Variants in ACACB observed in about 807,000 individuals in gnomAD.
ACACB encodes the protein acetyl-CoA carboxylase beta, also known as acetyl-CoA carboxylase 2.
A neutral mutation model predicts 278.8 loss-of-function variants in ACACB; 209 were observed. The observed-to-expected ratio is 0.75, with a 90% confidence interval of 0.67 to 0.84. The LOEUF (loss-of-function observed/expected upper bound fraction) is 0.84. Among genes scored for constraint, ACACB ranks in the 40% least tolerant of loss-of-function variants. ACACB has a pLI of 0.00. For missense variants in ACACB, 2,850 were observed against 3,269.0 expected (o/e 0.87, Z 3.13); for synonymous variants, 1,174 against 1,285.6 (o/e 0.91, Z 1.86).
chr12:109,135,324 T>C (rs1654875), intron 1 of ACACB, among the ~76,000 whole-genome samples: 5 of 151,930 alleles, frequency 3.3e-5, no homozygotes, highest in African/African-American at 7.3e-5. Context: ...TATATCTTCA[T>C]TGGAGCAATG....
rs2045648528 is a variant in ACACB at position 109,209,914 on chromosome 12, T to G, written c.3249+561T>G. Among the ~76,000 whole-genome samples the G allele has an allele frequency of 1.8e-5, 2 of 112,928 alleles. 1 individual carries two copies. Among genetic ancestry groups the G allele is most frequent in the African/African-American group, 7.3e-5 (2 of 27,292 alleles). 74.1% of individuals were successfully genotyped at this position (112,928 alleles called of 152,430 possible). A position where few individuals can be genotyped will look rare whatever the true frequency, so the allele number is the denominator to read the frequency against. ...ATGTATATACACACATACACACACG[T>G]GTGTATATATGTGTATACACACATA... On this transcript the variant is annotated intron_variant, in intron 21 of 52. Transcript: ENST00000338432.
rs1565927439 is a variant in ACACB at position 109,210,244 on chromosome 12, T to TATATACACACATGTGTGTATATGTAC, written c.3249+903_3249+928dup. 2.8e-4 allele frequency among the ~76,000 whole-genome samples: 9 copies of TATATACACACATGTGTGTATATGTAC among 31,966 alleles called. 1 individual carries two copies. In the East Asian group the frequency reaches 7.1e-3, roughly 25 times the overall value. 21.0% of individuals were successfully genotyped at this position (31,966 alleles called of 152,430 possible). On this transcript the variant is annotated intron_variant, in intron 21 of 52. Coordinates refer to ENST00000338432, the MANE Select transcript of ACACB (RefSeq NM_001093.4). ...ACATGTGTGTATATGTATATATGTA[T>TATATACACACATGTGTGTATATGTAC]ATATACACACATGTGTGTATATGTA...
chr12:109,188,149 G>A lies in ACACB; in HGVS notation c.2131G>A (p.Glu711Lys). The change falls in exon 13 of 53, where the codon GAA becomes AAA. Residue 711 changes from glutamate to lysine, a missense_variant. By Grantham distance (56) the Glu-to-Lys change is moderately conservative. Transcript: ENST00000338432. ...CTGCTTCTCCTGGGGAGAGAACCGG[G>A]AAGAGGCCATTTCGTCAGTATCTCC... ...GHCFSWGENR[E>K]EAISNMVVAL... 6.2e-7 allele frequency: 1 copy of A among 1,601,448 alleles called. No individual in the cohort carries two copies. The highest frequency in any genetic ancestry group is 1.1e-5 in the South Asian group (1 of 90,730).
At chr12:109,201,796 G>A (rs1402527581) in intron 19 of ACACB, 95 bp downstream of exon 19, 12 of 1,489,628 alleles carry the variant, frequency 8.1e-6, no homozygotes, top group Admixed American at 6.3e-5. Context: ...GGCTGGTAGC[G>A]CTTCTCCTGC....
At chr12:109,194,882 C>T (rs1417563572) in intron 16 of ACACB, among the ~76,000 whole-genome samples, 1 of 152,028 alleles carries the variant, frequency 6.6e-6, no homozygotes, top group African/African-American at 2.4e-5. Context: ...GAATAGTGGG[C>T]CCGGGTCTGT....
rs559040081 is a variant in ACACB, at chr12:109,254,514, C to T, written c.6166+180C>T. Reference sequence around the variant, plus strand: ...AGAGAAATGGAGATTTTACTCTAGGCTTTTCCTGAGCCATTGACCAAGAAG... The same window carrying T: ...AGAGAAATGGAGATTTTACTCTAGGTTTTTCCTGAGCCATTGACCAAGAAG... On this transcript the variant is annotated intron_variant, in intron 44 of 52. Coordinates refer to ENST00000338432, the MANE Select transcript of ACACB (RefSeq NM_001093.4). Among the ~76,000 whole-genome samples, 358 of 151,580 alleles carry T rather than the reference C, an allele frequency of 2.4e-3. 1 individual carries two copies. Among genetic ancestry groups the T allele is most frequent in the Non-Finnish European group, 3.6e-3 (247 of 68,008 alleles).
chr12:109,191,088 C>T (rs2044860187), intron 13 of ACACB, among the ~76,000 whole-genome samples: 1 of 152,172 alleles, frequency 6.6e-6, no homozygotes. Flanking sequence ...GGCTATTTCC[C>T]CATTTTCCAT....
Position 109,166,854 on chromosome 12 carries a change from T to C in ACACB, c.654-7T>C, listed in dbSNP as rs1565880311. ...ATGCACGTCTGTCCCTCATTCTTATTCTGCAGGCCGAGCATGTCGGGACTC... is the reference window on the plus strand; with the variant it reads ...ATGCACGTCTGTCCCTCATTCTTATCCTGCAGGCCGAGCATGTCGGGACTC... On this transcript the variant is annotated splice_region_variant and splice_polypyrimidine_tract_variant and intron_variant, in intron 2 of 52. Coordinates refer to ENST00000338432, the MANE Select transcript of ACACB (RefSeq NM_001093.4). 1 of 1,613,884 alleles carries C rather than the reference T, an allele frequency of 6.2e-7. No individual in the cohort carries two copies. The highest frequency in any genetic ancestry group is 1.7e-5 in the Admixed American group (1 of 59,976).
chr12:109,247,590 T>C lies in ACACB; in HGVS notation c.5572-16T>C. Reference sequence around the variant, plus strand: ...CAGGGAACTGGATTCGTAGCCTCACTAAAGTATTTTTTAAGGGATTTAAAT... The same window carrying C: ...CAGGGAACTGGATTCGTAGCCTCACCAAAGTATTTTTTAAGGGATTTAAAT... On this transcript the variant is annotated splice_polypyrimidine_tract_variant and intron_variant, in intron 39 of 52. Transcript: ENST00000338432. 6.3e-7 allele frequency: 1 copy of C among 1,598,418 alleles called. No individual in the cohort carries two copies. Among genetic ancestry groups the C allele is most frequent in the Non-Finnish European group, 8.6e-7 (1 of 1,166,702 alleles).
intron 13 of ACACB, chr12:109,191,397 A>G (rs371393141): frequency 3.4e-4 from 146 of 431,352 alleles, no homozygotes; most frequent in African/African-American, 2.0e-3. Flanking sequence ...TATTTTTGGT[A>G]GAGATGGGGT....
At chr12:109,161,349 C>T (rs919727235) in intron 2 of ACACB, among the ~76,000 whole-genome samples, 2 of 152,040 alleles carry the variant, frequency 1.3e-5, no homozygotes, top group Non-Finnish European at 2.9e-5. Context: ...TTCAAGACCA[C>T]TCTGGCCAAC....
At chr12:109,168,196 G>A (rs2043985915) in intron 4 of ACACB, among the ~76,000 whole-genome samples, 162 bp downstream of exon 4, 1 of 152,178 alleles carries the variant, frequency 6.6e-6, no homozygotes, top group Non-Finnish European at 1.5e-5. Context: ...TAAAATGTCT[G>A]CTGACATCAA....
intron 1 of ACACB, among the ~76,000 whole-genome samples, chr12:109,128,112 CT>C (rs1284904135): frequency 6.6e-6 from 1 of 152,122 alleles, no homozygotes; most frequent in Non-Finnish European, 1.5e-5. Context: ...GGTATCCTCT[CT>C]GAACTGCCTT....
At chr12:109,246,090 TA>T (rs1447906529) in intron 38 of ACACB, 88 bp from the exon 39 acceptor site, 122 of 1,401,494 alleles carry the variant, frequency 8.7e-5, no homozygotes, top group Admixed American at 9.6e-5. Flanking sequence ...ACCCTGTATC[TA>T]AAAAAAATAA....
At chr12:109,180,507 T>C (rs2044429318) in intron 11 of ACACB, among the ~76,000 whole-genome samples, 2 of 152,252 alleles carry the variant, frequency 1.3e-5, no homozygotes, top group Admixed American at 6.5e-5. Context: ...GGCAATATCA[T>C]CCCTGTTAAG....
intron 1 of ACACB, among the ~76,000 whole-genome samples, chr12:109,122,937 C>T (rs1177714318): frequency 6.6e-6 from 1 of 152,118 alleles, no homozygotes; most frequent in East Asian, 1.9e-4. Context: ...AATCCCAGCA[C>T]TTTGGGGGCC....
chr12:109,221,894 T>TTGGGGG (rs372053398), intron 24 of ACACB, among the ~76,000 whole-genome samples: 23 of 128,306 alleles, frequency 1.8e-4, no homozygotes, highest in African/African-American at 6.9e-4. Context: ...TTTTTTTTTT[T>TTGGGGG]GGGGGGGAGA....
intron 15 of ACACB, among the ~76,000 whole-genome samples, chr12:109,192,475 G>A (rs935339992): frequency 1.3e-5 from 2 of 152,004 alleles, no homozygotes; most frequent in African/African-American, 4.8e-5. Flanking sequence ...TAGGATGTTA[G>A]CAGCATTCCT....
chr12:109,176,054 C>T lies in ACACB; in HGVS notation c.1326+14C>T, dbSNP rs766957518. ...GAGGGCTTGGAGGTAAATGCAGAGC[C>T]TGTGGGGGCCAGGGGAGCCAGAACC... On this transcript the variant is annotated intron_variant, in intron 8 of 52. Coordinates refer to ENST00000338432, the MANE Select transcript of ACACB (RefSeq NM_001093.4). 4 of 1,613,660 alleles carry T rather than the reference C, an allele frequency of 2.5e-6. No homozygotes were observed. Among genetic ancestry groups the T allele is most frequent in the Non-Finnish European group, 3.4e-6 (4 of 1,179,548 alleles).
Sources: allele counts gnomAD v4.1 joint callset (sites outside exome capture counted in the v4.1 genomes callset), GRCh38; gene constraint gnomAD v4.1.1; transcripts MANE v1.5; gene names NCBI Gene and HGNC (gene_info 2026-07-23, HGNC 2026-07-21).